PIK3R5: variants seen among roughly 807,000 people sequenced by gnomAD.
PIK3R5 encodes phosphoinositide-3-kinase regulatory subunit 5.
A neutral mutation model predicts 94.9 loss-of-function variants in PIK3R5; 32 were observed. The ratio of observed to expected loss-of-function variants is 0.34; its 90% CI spans 0.25 to 0.45. PIK3R5 has a LOEUF of 0.45. Among genes scored for constraint, PIK3R5 ranks in the 20% least tolerant of loss-of-function variants. PIK3R5 has a pLI of 1.00. For missense variants in PIK3R5, 853 were observed against 1,144.6 expected (o/e 0.75, Z 3.68); for synonymous variants, 443 against 479.4 (o/e 0.92, Z 0.99).
In PIK3R5 at chr17:8,893,759, CG is replaced by C; in HGVS notation, c.413-105del. On this transcript the variant is annotated intron_variant, in intron 5 of 18. Transcript: ENST00000447110. The surrounding 1 kb of genome is among the most constrained non-coding windows in gnomAD (Gnocchi z 5.1). ...ACTGGACAATCAGGTTGGAAATTCC[CG>C]GATGGAGCTCAGGCGAACCTGCAGA... The C allele has an allele frequency of 1.1e-6, 1 of 870,796 alleles. No individual in the cohort carries two copies. The highest frequency in any genetic ancestry group is 1.9e-6 in the Non-Finnish European group (1 of 528,040). The allele number at this position is 870,796 out of a possible 1,614,324, so 53.9% of individuals were successfully genotyped here. A position where few individuals can be genotyped will look rare whatever the true frequency, so the allele number is the denominator to read the frequency against.
chr17:8,945,662 C>A lies in PIK3R5; in HGVS notation c.-14+19934G>T, dbSNP rs1303949379. Among the ~76,000 whole-genome samples, 1 of 152,174 alleles carries A rather than the reference C, an allele frequency of 6.6e-6. No homozygotes were observed. The highest frequency in any genetic ancestry group is 1.5e-5 in the Non-Finnish European group (1 of 68,030). ...GAAAGTACTTATAAGATTTTATGTCCCAAAGATGATCCCAACAATAGCTCC... is the reference window on the plus strand; with the variant it reads ...GAAAGTACTTATAAGATTTTATGTCACAAAGATGATCCCAACAATAGCTCC... On this transcript the variant is annotated intron_variant, in intron 1 of 18. Transcript: ENST00000447110. This position sits in a 1 kb window ranked among gnomAD's most constrained non-coding sequence, Gnocchi z 4.0.
intron 1 of PIK3R5, among the ~76,000 whole-genome samples, chr17:8,965,001 CCACACA>C (rs10680170): frequency 0.042 from 6,321 of 150,778 alleles, 136 homozygotes; most frequent in Middle Eastern, 0.09. Flanking sequence ...ATGCGCATGC[CCACACA>C]CACACACACA....
At chr17:8,943,213 T>G (rs1307482103) in intron 1 of PIK3R5, among the ~76,000 whole-genome samples, 1 of 152,124 alleles carries the variant, frequency 6.6e-6, no homozygotes, top group Non-Finnish European at 1.5e-5. Flanking sequence ...TAGCTGGGGC[T>G]ACAGGTGTGC....
intron 1 of PIK3R5, among the ~76,000 whole-genome samples, chr17:8,931,596 T>C (rs2151441623): frequency 6.6e-6 from 1 of 152,280 alleles, no homozygotes; most frequent in East Asian, 1.9e-4. Flanking sequence ...AATTGGAGTT[T>C]GGAACTCTAC....
rs443532 is a variant in PIK3R5, at chr17:8,884,178, G to A, written c.2205+529C>T. Among the ~76,000 whole-genome samples, 28,918 of 152,042 alleles carry A rather than the reference G, an allele frequency of 0.19. 3,833 individuals carry two copies. Among genetic ancestry groups the A allele is most frequent in the African/African-American group, 0.37 (15,394 of 41,434 alleles). On this transcript the variant is annotated intron_variant, in intron 15 of 18. Coordinates refer to ENST00000447110, the MANE Select transcript of PIK3R5 (RefSeq NM_001142633.3). The surrounding 1 kb of genome is among the most constrained non-coding windows in gnomAD (Gnocchi z 5.8). ...CTAAGAGGATATCTTTGGAATGGCC[G>A]AAGGAAGAAGCCCACCTGTGAGGCC...
chr17:8,933,042 C>A (rs1337583863), intron 1 of PIK3R5, among the ~76,000 whole-genome samples: 1 of 152,102 alleles, frequency 6.6e-6, no homozygotes, highest in Non-Finnish European at 1.5e-5. Context: ...AAACTACTGA[C>A]TTCTTAGAAA....
At chr17:8,939,214 C>G (rs1002279693) in intron 1 of PIK3R5, among the ~76,000 whole-genome samples, 4 of 152,188 alleles carry the variant, frequency 2.6e-5, no homozygotes, top group Admixed American at 1.3e-4. Context: ...GATGCTAACT[C>G]AGGCCTGCCG....
intron 11 of PIK3R5, 31 bp downstream of exon 11, chr17:8,887,490 C>T: frequency 1.3e-6 from 2 of 1,580,670 alleles, no homozygotes; most frequent in East Asian, 2.3e-5. Flanking sequence ...ACTCTACTTT[C>T]CCCGACCATT....
Position 8,889,327 on chromosome 17 carries a change from C to A in PIK3R5, c.812-105G>T. 1.2e-6 allele frequency: 1 copy of A among 806,902 alleles called. No individual in the cohort carries two copies. The highest frequency in any genetic ancestry group is 1.7e-5 in the South Asian group (1 of 59,014). 50.0% of individuals were successfully genotyped at this position (806,902 alleles called of 1,614,324 possible). On this transcript the variant is annotated intron_variant, in intron 8 of 18. Transcript: ENST00000447110. This position sits in a 1 kb window ranked among gnomAD's most constrained non-coding sequence, Gnocchi z 4.1. The stretch of plus-strand genomic sequence containing the variant: ...GAAGAGACCAGAGATGGGACAGGAT[C>A]GGCACAAGGATATGTAGCTGGATAG...
intron 5 of PIK3R5, among the ~76,000 whole-genome samples, chr17:8,899,833 T>A (rs933711697): frequency 3.3e-5 from 5 of 151,936 alleles, no homozygotes; most frequent in African/African-American, 7.3e-5. Context: ...AGGTTAGGAG[T>A]TCGAGACCAG....
rs1055448241 is a variant in PIK3R5 at position 8,935,987 on chromosome 17, G to T, written c.-13-24480C>A. On this transcript the variant is annotated intron_variant, in intron 1 of 18. Transcript: ENST00000447110. This position sits in a 1 kb window ranked among gnomAD's most constrained non-coding sequence, Gnocchi z 4.5. ...GAGAATGGCGTGAACCCGGGAGGCG[G>T]AGATTGCAGTGAGCTGAGCTTGCGC... 6.6e-6 allele frequency among the ~76,000 whole-genome samples: 1 copy of T among 151,104 alleles called. No homozygotes were observed. The highest frequency in any genetic ancestry group is 1.5e-5 in the Non-Finnish European group (1 of 67,868).
chr17:8,944,897 C>G (rs1458994079), intron 1 of PIK3R5, among the ~76,000 whole-genome samples: 1 of 152,168 alleles, frequency 6.6e-6, no homozygotes, highest in African/African-American at 2.4e-5. Context: ...GGAAAAATGG[C>G]CTACACTTAC....
chr17:8,945,303 C>T lies in PIK3R5; in HGVS notation c.-14+20293G>A, dbSNP rs1288611243. Among the ~76,000 whole-genome samples, 3 of 152,174 alleles carry T rather than the reference C, an allele frequency of 2.0e-5. No homozygotes were observed. Among genetic ancestry groups the T allele is most frequent in the Admixed American group, 6.5e-5 (1 of 15,280 alleles). On this transcript the variant is annotated intron_variant, in intron 1 of 18. Coordinates refer to ENST00000447110, the MANE Select transcript of PIK3R5 (RefSeq NM_001142633.3). This position sits in a 1 kb window ranked among gnomAD's most constrained non-coding sequence, Gnocchi z 4.0. Reference sequence around the variant, plus strand: ...GGGTGGGTCATTTGATTGACACTAGCTCCAAGAGATTCTTCCCTTACAATC... The same window carrying T: ...GGGTGGGTCATTTGATTGACACTAGTTCCAAGAGATTCTTCCCTTACAATC...
chr17:8,927,907 C>T (rs1315241585), intron 1 of PIK3R5, among the ~76,000 whole-genome samples: 1 of 152,194 alleles, frequency 6.6e-6, no homozygotes, highest in Non-Finnish European at 1.5e-5. Context: ...CACCTTCCCC[C>T]TGCACCCAGT....
At chr17:8,895,441 T>C (rs1746511638) in intron 5 of PIK3R5, among the ~76,000 whole-genome samples, 1 of 152,172 alleles carries the variant, frequency 6.6e-6, no homozygotes, top group Non-Finnish European at 1.5e-5. Context: ...ATCAGCTTTC[T>C]TCCAACACGC....
rs141546020 is a variant in PIK3R5, at chr17:8,925,373, GGATA to G, written c.-13-13870_-13-13867del. On this transcript the variant is annotated intron_variant, in intron 1 of 18. Transcript: ENST00000447110. This position sits in a 1 kb window ranked among gnomAD's most constrained non-coding sequence, Gnocchi z 5.1. The stretch of plus-strand genomic sequence containing the variant: ...ATAGATGGATTGATAGATAGTAGAT[GGATA>G]GATAGATAGATAGTAGATGGAGAGA... 0.023 allele frequency among the ~76,000 whole-genome samples: 3,438 copies of G among 149,872 alleles called. 68 individuals are homozygous for G. Among genetic ancestry groups the G allele is most frequent in the African/African-American group, 0.046 (1,868 of 40,748 alleles).
In PIK3R5 at chr17:8,887,548, T is replaced by C. The variant is rs2089895503; in HGVS notation, c.1752A>G (p.Thr584=). Residue 584 remains threonine, a synonymous_variant, in exon 11 of 19, where the codon ACA becomes ACG. Transcript: ENST00000447110. ...PPRSQTPSPP[T]DSPRHASPGE... ...CAGGGCTGGCGTGCCTAGGGGAGTC[T>C]GTCGGGGGTGAGGGCGTCTGGCTCC... 1.2e-6 allele frequency: 2 copies of C among 1,607,640 alleles called. No individual in the cohort carries two copies. Among genetic ancestry groups the C allele is most frequent in the Admixed American group, 1.7e-5 (1 of 59,188 alleles).
intron 1 of PIK3R5, among the ~76,000 whole-genome samples, chr17:8,914,473 GGTGTCA>G (rs2151420628): frequency 6.6e-6 from 1 of 152,342 alleles, no homozygotes; most frequent in East Asian, 1.9e-4. Flanking sequence ...CTTGCTGGGA[GGTGTCA>G]GTCCAGAACC....
At position 8,919,438 on chromosome 17, in the gene PIK3R5, G is replaced by C. The variant is rs78039031; in HGVS notation, c.-13-7931C>G. ...TGTAGTCACAGTGGACTAGCGCAAG[G>C]CTGGCTGCCTCAAAATCCCCCAACC... On this transcript the variant is annotated intron_variant, in intron 1 of 18. Transcript: ENST00000447110. Among the ~76,000 whole-genome samples, 858 of 152,328 alleles carry C rather than the reference G, an allele frequency of 5.6e-3. 9 individuals are homozygous for C. The highest frequency in any genetic ancestry group is 0.019 in the African/African-American group (800 of 41,568).
Sources: allele counts gnomAD v4.1 joint callset (sites outside exome capture counted in the v4.1 genomes callset), GRCh38; gene constraint gnomAD v4.1.1; non-coding constraint Gnocchi (gnomAD v3.1); transcripts MANE v1.5; gene names NCBI Gene and HGNC (gene_info 2026-07-23, HGNC 2026-07-21).